Variants in PMEPA1 observed in about 807,000 individuals in gnomAD.
PMEPA1 encodes protein TMEPAI.
A neutral mutation model predicts 23.0 loss-of-function variants in PMEPA1; 11 were observed. That is an observed-to-expected ratio of 0.48 (90% CI 0.30 to 0.79). PMEPA1 has a LOEUF of 0.79. PMEPA1 is among the 30% of genes least tolerant of loss of function. The pLI is 0.06. For synonymous variants in PMEPA1, 204 were observed against 166.4 expected (o/e 1.23, Z -1.74); for missense variants, 377 against 390.9 (o/e 0.96, Z 0.30).
At chr20:57,689,477 C>T (rs979049998) in intron 1 of PMEPA1, among the ~76,000 whole-genome samples, 3 of 152,210 alleles carry the variant, frequency 2.0e-5, no homozygotes, top group Non-Finnish European at 4.4e-5. Context: ...ACAGACACCA[C>T]CCCGTTCCTC....
chr20:57,705,136 CGT>C (rs148559498), intron 1 of PMEPA1, among the ~76,000 whole-genome samples: 2,469 of 152,308 alleles, frequency 0.016, 53 homozygotes, highest in African/African-American at 0.055. Context: ...TGTGTGTGCG[CGT>C]GTGTGTGTCT....
chr20:57,673,476 G>A (rs1306079222), intron 1 of PMEPA1, among the ~76,000 whole-genome samples: 1 of 152,048 alleles, frequency 6.6e-6, no homozygotes, highest in Non-Finnish European at 1.5e-5. Flanking sequence ...AGATGCAATC[G>A]CCTCGTCCTG....
At chr20:57,700,236 A>G (rs1397752629) in intron 1 of PMEPA1, 1 of 446,762 alleles carries the variant, frequency 2.2e-6, no homozygotes, top group Middle Eastern at 3.4e-4. Context: ...ACCCCTCCAC[A>G]GGCCCATGCT....
intron 1 of PMEPA1, among the ~76,000 whole-genome samples, chr20:57,668,507 C>T (rs1429229820): frequency 6.6e-6 from 1 of 152,222 alleles, no homozygotes; most frequent in Non-Finnish European, 1.5e-5. Context: ...CTACGCCTGT[C>T]CCCTGTCCCC....
rs372618422 is a variant in PMEPA1, at chr20:57,656,593, T to C, written c.264+2950A>G. 3.9e-5 allele frequency among the ~76,000 whole-genome samples: 6 copies of C among 152,240 alleles called. No homozygotes were observed. Among genetic ancestry groups the C allele is most frequent in the African/African-American group, 1.4e-4 (6 of 41,564 alleles). On this transcript the variant is annotated intron_variant, in intron 2 of 3. Transcript: ENST00000341744. The surrounding 1 kb of genome is among the most constrained non-coding windows in gnomAD (Gnocchi z 4.7). ...CCTCGGAGCAGCGCCAGGGTGGAAG[T>C]GCCATCCCTGGTCGAGGGGCTTGCC... is the stretch of plus-strand genomic sequence containing the variant.
chr20:57,651,857 T>C lies in PMEPA1; in HGVS notation c.*196A>G. 1 of 401,182 alleles carries C rather than the reference T, an allele frequency of 2.5e-6. No homozygotes were observed. Among genetic ancestry groups the C allele is most frequent in the Non-Finnish European group, 4.3e-6 (1 of 233,624 alleles). The allele number at this position is 401,182 out of a possible 1,614,324, so 24.9% of individuals were successfully genotyped here. ...GTGGTTTTTTTTTTTCTTTTTTCTT[T>C]TTTTTTTTGCAAGCTCTCTTAGCTT... is the stretch of plus-strand genomic sequence containing the variant. On this transcript the variant is annotated 3_prime_UTR_variant, in exon 4 of 4. Transcript: ENST00000341744.
intron 2 of PMEPA1, among the ~76,000 whole-genome samples, chr20:57,658,022 C>T (rs1171907383): frequency 1.3e-5 from 2 of 152,222 alleles, no homozygotes; most frequent in African/African-American, 4.8e-5. Context: ...GAGATGGAAG[C>T]CATTAAGAGA....
chr20:57,669,887 AG>A (rs1174610316), intron 1 of PMEPA1, among the ~76,000 whole-genome samples: 1 of 151,474 alleles, frequency 6.6e-6, no homozygotes, highest in Non-Finnish European at 1.5e-5. Context: ...GAAAAAAAAA[AG>A]ATTTGAGAAG....
At chr20:57,673,831 C>A (rs1387953714) in intron 1 of PMEPA1, among the ~76,000 whole-genome samples, 1 of 152,194 alleles carries the variant, frequency 6.6e-6, no homozygotes, top group African/African-American at 2.4e-5. Flanking sequence ...CACACCTGCA[C>A]CCTAGTCCGG....
Position 57,652,589 on chromosome 20 carries a change from A to T in PMEPA1, c.328T>A (p.Tyr110Asn), listed in dbSNP as rs1343009802. The change falls in exon 4 of 4, where the codon TAC (tyrosine) becomes AAC (asparagine). Residue 110 changes from tyrosine (Y) to asparagine (N), a missense_variant. Physicochemically the swap from Tyr to Asn is moderately radical, Grantham distance 143. Around this residue, in one of 3 missense-constraint regions of PMEPA1, gnomAD observed 198 missense variants for 196.3 expected, o/e 1.01. Transcript: ENST00000341744. This position sits in a 1 kb window ranked among gnomAD's most constrained non-coding sequence, Gnocchi z 6.1. ...SGNGIPEPQV[Y>N]APPRPTDRLA... ...CGGTCGGTGGGCCGAGGCGGGGCGT[A>T]GACCTGCGGCTGGAGGAAGCAGAGC... 1.3e-6 allele frequency: 2 copies of T among 1,485,192 alleles called. No individual in the cohort carries two copies. The highest frequency in any genetic ancestry group is 2.8e-5 in the South Asian group (2 of 72,682). 92.0% of individuals were successfully genotyped at this position (1,485,192 alleles called of 1,614,324 possible).
At position 57,700,085 on chromosome 20, in the gene PMEPA1, A is replaced by G. The variant is rs1195694907; in HGVS notation, c.109+9389T>C. On this transcript the variant is annotated intron_variant, in intron 1 of 3. Transcript: ENST00000341744. ...GGATTTGTCACTTTCATGCTCCCAA[A>G]GCCAGTGATGGAACTGGCCCCTCCT... The G allele has an allele frequency of 1.1e-5, 5 of 471,316 alleles. No individual in the cohort carries two copies. The Admixed American group carries it at 1.2e-4, about 11-fold the overall frequency. The allele number at this position is 471,316 out of a possible 1,614,324, so 29.2% of individuals were successfully genotyped here.
intron 1 of PMEPA1, among the ~76,000 whole-genome samples, chr20:57,701,203 T>C (rs183161181): frequency 1.7e-4 from 26 of 152,318 alleles, no homozygotes; most frequent in Admixed American, 3.3e-4. Context: ...TAGAATGTGC[T>C]GGAGCATTAG....
At chr20:57,662,299 G>C (rs2071432830) in intron 1 of PMEPA1, among the ~76,000 whole-genome samples, 1 of 152,234 alleles carries the variant, frequency 6.6e-6, no homozygotes, top group Non-Finnish European at 1.5e-5. Context: ...TGTGGGCTGA[G>C]CACACCTAAG....
chr20:57,652,911 G>GGAGGATCCCAGCAT lies in PMEPA1; in HGVS notation c.318+121_318+122insATGCTGGGATCCTC, dbSNP rs1243331975. On this transcript the variant is annotated intron_variant, in intron 3 of 3. Coordinates refer to ENST00000341744, the MANE Select transcript of PMEPA1 (RefSeq NM_020182.5). The surrounding 1 kb of genome is among the most constrained non-coding windows in gnomAD (Gnocchi z 6.1). ...ATCTCCGGCAAGGAGGATCCCAGCAGCAAGGGCACTGCAGAGGAGGGCGGA... is the reference window on the plus strand; with the variant it reads ...ATCTCCGGCAAGGAGGATCCCAGCAGGAGGATCCCAGCATCAAGGGCACTGCAGAGGAGGGCGGA... 33 of 846,176 alleles carry GGAGGATCCCAGCAT rather than the reference G, an allele frequency of 3.9e-5. No individual in the cohort carries two copies. Among genetic ancestry groups the GGAGGATCCCAGCAT allele is most frequent in the Admixed American group, 6.0e-5 (3 of 49,718 alleles). 52.4% of individuals were successfully genotyped at this position (846,176 alleles called of 1,614,324 possible).
At chr20:57,698,188 TG>T (rs2071966636) in intron 1 of PMEPA1, among the ~76,000 whole-genome samples, 3 of 152,182 alleles carry the variant, frequency 2.0e-5, no homozygotes, top group African/African-American at 7.2e-5. Context: ...TGCATTGAGC[TG>T]CGATCTATCC....
At chr20:57,696,522 G>A (rs182982686) in intron 1 of PMEPA1, among the ~76,000 whole-genome samples, 20 of 152,338 alleles carry the variant, frequency 1.3e-4, no homozygotes, top group Admixed American at 1.1e-3. Context: ...GTTGCCATGA[G>A]GATTAGTGAG....
At chr20:57,703,125 C>G (rs897616374) in intron 1 of PMEPA1, among the ~76,000 whole-genome samples, 10 of 152,220 alleles carry the variant, frequency 6.6e-5, no homozygotes. Flanking sequence ...ACTGTCAGTA[C>G]TCGGCACTGT....
At chr20:57,702,877 C>T (rs1568687587) in intron 1 of PMEPA1, among the ~76,000 whole-genome samples, 2 of 152,218 alleles carry the variant, frequency 1.3e-5, no homozygotes, top group African/African-American at 4.8e-5. Context: ...CCATCAGTAA[C>T]CCAGGAACAG....
intron 1 of PMEPA1, among the ~76,000 whole-genome samples, chr20:57,673,509 A>G (rs559905050): frequency 6.6e-6 from 1 of 152,256 alleles, no homozygotes; most frequent in African/African-American, 2.4e-5. Context: ...AGCCGGCATG[A>G]GCCCGGCATG....
Sources: allele counts gnomAD v4.1 joint callset (sites outside exome capture counted in the v4.1 genomes callset), GRCh38; gene constraint gnomAD v4.1.1; regional missense constraint gnomAD v4.1.1; non-coding constraint Gnocchi (gnomAD v3.1); transcripts MANE v1.5; gene names NCBI Gene and HGNC (gene_info 2026-07-23, HGNC 2026-07-21).